The following KHDRBS3 variants were observed in gnomAD, a reference collection of about 807,000 sequenced individuals.
KHDRBS3 encodes the protein KH RNA binding domain containing, signal transduction associated 3.
In KHDRBS3, 23 loss-of-function variants were observed where a neutral mutation model predicts 45.6. The ratio of observed to expected loss-of-function variants is 0.50; its 90% CI spans 0.36 to 0.72. KHDRBS3 has a LOEUF of 0.72. Ranked by LOEUF, KHDRBS3 falls within the 30% of genes least tolerant of loss-of-function variation. The probability of loss-of-function intolerance (pLI) is 0.00; values close to 1 mark genes in which losing one functional copy is unlikely to be tolerated. For synonymous variants in KHDRBS3, 162 were observed against 156.5 expected (o/e 1.04, Z -0.26); for missense variants, 352 against 424.8 (o/e 0.83, Z 1.51).
At chr8:135,639,859 G>A (rs1347569804) in intron 7 of KHDRBS3, among the ~76,000 whole-genome samples, 2 of 152,104 alleles carry the variant, frequency 1.3e-5, no homozygotes, top group Admixed American at 6.5e-5. Context: ...ATCTGCCCCC[G>A]ATCCAGTCAC....
intron 6 of KHDRBS3, among the ~76,000 whole-genome samples, chr8:135,585,470 C>A (rs1828426599): frequency 6.6e-6 from 1 of 152,010 alleles, no homozygotes; most frequent in Non-Finnish European, 1.5e-5. Context: ...CCCCCTGCCT[C>A]CCCTTCCTCC....
At position 135,483,237 on chromosome 8, in the gene KHDRBS3, C is replaced by A. The variant is rs563845959; in HGVS notation, c.88+25283C>A. Reference sequence around the variant, plus strand: ...GCTGATTATATTTATGGACTCTTTTCTTTTACATTAAACATGTGGCACAGT... The same window carrying A: ...GCTGATTATATTTATGGACTCTTTTATTTTACATTAAACATGTGGCACAGT... On this transcript the variant is annotated intron_variant, in intron 1 of 8. Coordinates refer to ENST00000355849, the MANE Select transcript of KHDRBS3 (RefSeq NM_006558.3). 3.3e-5 allele frequency among the ~76,000 whole-genome samples: 5 copies of A among 152,292 alleles called. No individual in the cohort carries two copies. In the South Asian group the frequency reaches 8.3e-4, roughly 25 times the overall value.
intron 5 of KHDRBS3, among the ~76,000 whole-genome samples, chr8:135,568,387 C>G (rs974687577): frequency 6.6e-6 from 1 of 151,706 alleles, no homozygotes; most frequent in Admixed American, 6.6e-5. Context: ...ATTCATGTAC[C>G]CTCCTTTCCC....
intron 4 of KHDRBS3, among the ~76,000 whole-genome samples, chr8:135,552,326 C>T (rs1291657669): frequency 6.6e-6 from 1 of 151,926 alleles, no homozygotes; most frequent in African/African-American, 2.4e-5. Flanking sequence ...TCTCCATGTA[C>T]CTCAGACTGG....
chr8:135,582,762 GA>G (rs1385622099), intron 6 of KHDRBS3, among the ~76,000 whole-genome samples: 1 of 152,200 alleles, frequency 6.6e-6, no homozygotes, highest in Non-Finnish European at 1.5e-5. Flanking sequence ...CATTGTCAAT[GA>G]AAGGGAAGCA....
At chr8:135,537,169 G>A (rs1441381050) in intron 2 of KHDRBS3, among the ~76,000 whole-genome samples, 2 of 152,072 alleles carry the variant, frequency 1.3e-5, no homozygotes, top group Non-Finnish European at 2.9e-5. Flanking sequence ...GAAGACAGTG[G>A]CACCATTTGC....
chr8:135,621,166 T>G (rs1830125347), intron 7 of KHDRBS3, among the ~76,000 whole-genome samples: 1 of 151,566 alleles, frequency 6.6e-6, no homozygotes. Context: ...GCCAAGAAAA[T>G]CACCTGTTAT....
intron 6 of KHDRBS3, among the ~76,000 whole-genome samples, chr8:135,591,544 T>C (rs375714641): frequency 6.6e-6 from 1 of 152,214 alleles, no homozygotes; most frequent in African/African-American, 2.4e-5. Context: ...AAAGTTGTCT[T>C]GAAGAAAACA....
intron 1 of KHDRBS3, among the ~76,000 whole-genome samples, chr8:135,473,677 A>T (rs1174401019): frequency 6.6e-6 from 1 of 151,986 alleles, no homozygotes; most frequent in Non-Finnish European, 1.5e-5. Flanking sequence ...CTCAGTTCTT[A>T]CTTATTTATT....
chr8:135,578,312 T>C (rs1461639129), intron 5 of KHDRBS3, among the ~76,000 whole-genome samples: 1 of 152,160 alleles, frequency 6.6e-6, no homozygotes, highest in Non-Finnish European at 1.5e-5. Flanking sequence ...ACCAAACTAA[T>C]ATAATACAGA....
intron 1 of KHDRBS3, among the ~76,000 whole-genome samples, chr8:135,483,806 C>A (rs1394286666): frequency 6.6e-6 from 1 of 152,192 alleles, no homozygotes. Context: ...CCTGCTTATT[C>A]TCTCTCCCTA....
intron 1 of KHDRBS3, among the ~76,000 whole-genome samples, chr8:135,498,831 T>C (rs1011849990): frequency 3.3e-5 from 5 of 152,208 alleles, no homozygotes; most frequent in Admixed American, 3.3e-4. Flanking sequence ...CTGGTCCCCA[T>C]GCGCACAATC....
At chr8:135,482,200 C>T (rs1822613819) in intron 1 of KHDRBS3, among the ~76,000 whole-genome samples, 1 of 152,172 alleles carries the variant, frequency 6.6e-6, no homozygotes, top group African/African-American at 2.4e-5. Context: ...ATTAATGTCA[C>T]TGGACATTAC....
In KHDRBS3 at chr8:135,502,006, T is replaced by A. The variant is rs1182048360; in HGVS notation, c.89-19231T>A. Among the ~76,000 whole-genome samples the A allele has an allele frequency of 3.3e-5, 5 of 152,206 alleles. No individual in the cohort carries two copies. In the East Asian group the frequency reaches 5.8e-4, roughly 18 times the overall value. On this transcript the variant is annotated intron_variant, in intron 1 of 8. Transcript: ENST00000355849. ...TAGTTGCAAGACCTGTAGAGGATTT[T>A]AAAACCACTTTAAAAAATACATATA...
intron 4 of KHDRBS3, among the ~76,000 whole-genome samples, chr8:135,555,213 T>G (rs1826815235): frequency 6.6e-6 from 1 of 152,324 alleles, no homozygotes; most frequent in East Asian, 1.9e-4. Context: ...TCCTCCTCAG[T>G]TTCTTGCCAC....
chr8:135,502,085 A>G (rs909292866), intron 1 of KHDRBS3, among the ~76,000 whole-genome samples: 1 of 152,166 alleles, frequency 6.6e-6, no homozygotes, highest in Non-Finnish European at 1.5e-5. Flanking sequence ...TTTAACCTTA[A>G]TAATATTTGA....
chr8:135,558,253 G>T (rs1826987062), intron 5 of KHDRBS3, among the ~76,000 whole-genome samples: 1 of 152,078 alleles, frequency 6.6e-6, no homozygotes, highest in South Asian at 2.1e-4. Context: ...TCTCTCCTTG[G>T]ATTGGTGATT....
At position 135,457,860 on chromosome 8, in the gene KHDRBS3, G is replaced by A; in HGVS notation, c.-7G>A. ...AGTCCACATCCCGGGCCCGGCGGCC[G>A]GCGAGCATGGAGGAGAAGTACCTGC... On this transcript the variant is annotated 5_prime_UTR_variant, in exon 1 of 9. Coordinates refer to ENST00000355849, the MANE Select transcript of KHDRBS3 (RefSeq NM_006558.3). This position sits in a 1 kb window ranked among gnomAD's most constrained non-coding sequence, Gnocchi z 4.4. 1.3e-6 allele frequency: 2 copies of A among 1,569,218 alleles called. No individual in the cohort carries two copies. The highest frequency in any genetic ancestry group is 1.7e-6 in the Non-Finnish European group (2 of 1,159,202).
chr8:135,522,312 G>A (rs1230127996), intron 2 of KHDRBS3, among the ~76,000 whole-genome samples: 2 of 152,198 alleles, frequency 1.3e-5, no homozygotes, highest in Non-Finnish European at 2.9e-5. Context: ...GTATTCCATA[G>A]TGTATATGTA....
Sources: gnomAD v4.1 joint callset for allele counts (sites outside exome capture counted in the v4.1 genomes callset) on GRCh38, gnomAD v4.1.1 for gene constraint, Gnocchi (gnomAD v3.1) non-coding constraint, MANE v1.5 for transcripts, NCBI Gene and HGNC (gene_info 2026-07-23, HGNC 2026-07-21) for gene names.